The following KCTD8 variants were observed in gnomAD, a reference collection of about 807,000 sequenced individuals.
The protein encoded by KCTD8 is potassium channel tetramerization domain containing 8.
A neutral mutation model predicts 31.5 loss-of-function variants in KCTD8; 27 were observed. The observed-to-expected ratio is 0.86, with a 90% confidence interval of 0.63 to 1.18. The LOEUF (loss-of-function observed/expected upper bound fraction) is 1.18. Among genes scored for constraint, KCTD8 ranks in the 50% most tolerant of loss-of-function variants. KCTD8 has a pLI of 0.00. For missense variants in KCTD8, 658 were observed against 647.7 expected, an observed-to-expected ratio of 1.02 and a Z score of -0.17; for synonymous variants, 290 against 280.0, an observed-to-expected ratio of 1.04 and a Z score of -0.36.
chr4:44,424,758 G>C (rs1260953025), intron 1 of KCTD8, among the ~76,000 whole-genome samples: 1 of 151,886 alleles, frequency 6.6e-6, no homozygotes, highest in Non-Finnish European at 1.5e-5. Context: ...ATATAGTTCT[G>C]CTAATTTAAT....
rs141814026 is a variant in KCTD8, at chr4:44,276,229, C to T, written c.962-100979G>A. ...TAAACAATTTCCATAATAAGATACT[C>T]CTCCCTGAAAACACTTTTCATTCAA... On this transcript the variant is annotated intron_variant, in intron 1 of 1. Coordinates refer to ENST00000360029, the MANE Select transcript of KCTD8 (RefSeq NM_198353.3). Among the ~76,000 whole-genome samples the T allele has an allele frequency of 2.7e-3, 408 of 152,058 alleles. 1 individual carries two copies. Among genetic ancestry groups the T allele is most frequent in the Middle Eastern group, 0.01 (3 of 294 alleles).
At chr4:44,259,093 A>G (rs1222132014) in intron 1 of KCTD8, among the ~76,000 whole-genome samples, 1 of 151,972 alleles carries the variant, frequency 6.6e-6, no homozygotes, top group Non-Finnish European at 1.5e-5. Context: ...AAGGCAAAGC[A>G]GCCTTTTAAA....
chr4:44,244,708 T>C (rs1373777193), intron 1 of KCTD8, among the ~76,000 whole-genome samples: 2 of 152,132 alleles, frequency 1.3e-5, no homozygotes, highest in Non-Finnish European at 2.9e-5. Flanking sequence ...TCCTGTTCCA[T>C]ACCCAGGAGG....
At chr4:44,438,136 T>A (rs550248747) in intron 1 of KCTD8, among the ~76,000 whole-genome samples, 2 of 152,204 alleles carry the variant, frequency 1.3e-5, no homozygotes, top group African/African-American at 2.4e-5. Context: ...TATTTCTGAA[T>A]GTCTGCCAGC....
chr4:44,213,281 T>C (rs1307772453), intron 1 of KCTD8, among the ~76,000 whole-genome samples: 1 of 152,152 alleles, frequency 6.6e-6, no homozygotes, highest in East Asian at 1.9e-4. Flanking sequence ...TTTATTTTTG[T>C]TTCATATTTT....
intron 1 of KCTD8, among the ~76,000 whole-genome samples, chr4:44,383,916 T>G (rs959524915): frequency 6.6e-6 from 1 of 151,956 alleles, no homozygotes; most frequent in African/African-American, 2.4e-5. Context: ...ATTTGCAAAT[T>G]TCTTTCAACA....
At chr4:44,413,428 T>C (rs1721003575) in intron 1 of KCTD8, among the ~76,000 whole-genome samples, 1 of 152,190 alleles carries the variant, frequency 6.6e-6, no homozygotes, top group Non-Finnish European at 1.5e-5. Context: ...CTCTAAAATA[T>C]ATGGCCTACA....
At chr4:44,427,507 C>A (rs1721377633) in intron 1 of KCTD8, among the ~76,000 whole-genome samples, 1 of 114,136 alleles carries the variant, frequency 8.8e-6, no homozygotes, top group South Asian at 3.6e-4. Context: ...TTGAAACTAA[C>A]AAAAGACTGT....
At chr4:44,284,048 C>A (rs1191119651) in intron 1 of KCTD8, among the ~76,000 whole-genome samples, 1 of 152,144 alleles carries the variant, frequency 6.6e-6, no homozygotes, top group East Asian at 1.9e-4. Flanking sequence ...AATGACCTTA[C>A]TGCCCAAAGT....
At chr4:44,372,093 T>G (rs987315655) in intron 1 of KCTD8, among the ~76,000 whole-genome samples, 1 of 152,198 alleles carries the variant, frequency 6.6e-6, no homozygotes, top group Non-Finnish European at 1.5e-5. Flanking sequence ...TATTCCCTAC[T>G]AGAAAATATT....
chr4:44,235,552 T>TATATATATATAC (rs1560402038), intron 1 of KCTD8, among the ~76,000 whole-genome samples: 24 of 89,078 alleles, frequency 2.7e-4, no homozygotes, highest in African/African-American at 1.0e-3. Context: ...TATATATATA[T>TATATATATATAC]ATATATATAT....
chr4:44,205,820 G>T (rs1714287538), intron 1 of KCTD8, among the ~76,000 whole-genome samples: 1 of 152,152 alleles, frequency 6.6e-6, no homozygotes, highest in Non-Finnish European at 1.5e-5. Context: ...AAATGATTTT[G>T]TTATCACTGT....
At chr4:44,185,590 G>T (rs1713561138) in intron 1 of KCTD8, among the ~76,000 whole-genome samples, 1 of 152,072 alleles carries the variant, frequency 6.6e-6, no homozygotes, top group Admixed American at 6.6e-5. Context: ...CTTGTTTCTG[G>T]TGAATGCCTC....
intron 1 of KCTD8, among the ~76,000 whole-genome samples, chr4:44,299,002 C>T (rs1717526981): frequency 6.6e-6 from 1 of 152,076 alleles, no homozygotes; most frequent in Admixed American, 6.5e-5. Context: ...AAATAATTTA[C>T]TTATTATTAC....
At chr4:44,191,567 C>T (rs1310755635) in intron 1 of KCTD8, among the ~76,000 whole-genome samples, 1 of 151,986 alleles carries the variant, frequency 6.6e-6, no homozygotes, top group Non-Finnish European at 1.5e-5. Flanking sequence ...GAATTGTATT[C>T]CTGGGAGGAG....
At chr4:44,327,165 T>A (rs991708634) in intron 1 of KCTD8, among the ~76,000 whole-genome samples, 1 of 151,926 alleles carries the variant, frequency 6.6e-6, no homozygotes, top group Non-Finnish European at 1.5e-5. Flanking sequence ...CTTCTTTTTA[T>A]AGCAAGGAGG....
intron 1 of KCTD8, among the ~76,000 whole-genome samples, chr4:44,247,412 A>G (rs774504080): frequency 1.3e-5 from 2 of 151,728 alleles, no homozygotes; most frequent in African/African-American, 4.8e-5. Context: ...TCACCCCCCT[A>G]AAACCTCTTT....
intron 1 of KCTD8, among the ~76,000 whole-genome samples, chr4:44,393,435 G>GA (rs1720419261): frequency 2.0e-5 from 3 of 147,030 alleles, no homozygotes; most frequent in South Asian, 2.1e-4. Context: ...GTTGATGAAG[G>GA]GAAAAAAACA....
chr4:44,282,304 C>A (rs149545013), intron 1 of KCTD8, among the ~76,000 whole-genome samples: 237 of 152,140 alleles, frequency 1.6e-3, no homozygotes, highest in Middle Eastern at 3.4e-3. Flanking sequence ...ATGATCTTTG[C>A]TCAGTGACCT....
Sources: allele counts gnomAD v4.1 joint callset (sites outside exome capture counted in the v4.1 genomes callset), GRCh38; gene constraint gnomAD v4.1.1; transcripts MANE v1.5; gene names NCBI Gene and HGNC (gene_info 2026-07-23, HGNC 2026-07-21).